Variants in DGCR8 observed in about 807,000 individuals in gnomAD.
The protein encoded by DGCR8 is DGCR8 microprocessor complex subunit.
A neutral mutation model predicts 78.5 loss-of-function variants in DGCR8; 14 were observed. That is an observed-to-expected ratio of 0.18 (90% CI 0.12 to 0.28). DGCR8 has a LOEUF of 0.28. Ranked by LOEUF, DGCR8 falls within the 10% of genes least tolerant of loss-of-function variation. The pLI, the probability that DGCR8 is intolerant of heterozygous loss-of-function variation, is 1.00. For synonymous variants in DGCR8, 399 were observed against 402.4 expected (o/e 0.99, Z 0.10); for missense variants, 702 against 1,022.5 (o/e 0.69, Z 4.28).
rs1328724193 is a variant in DGCR8 at position 20,101,823 on chromosome 22, G to T, written c.1789-4354G>T. ...AACACCTGTCCTTGGACTGTCCCCT[G>T]GACAGCCTGGGGCGTGGGGTAGTAT... On this transcript the variant is annotated intron_variant, in intron 9 of 13. Transcript: ENST00000351989. 6.1e-6 allele frequency: 6 copies of T among 985,218 alleles called. No individual in the cohort carries two copies. The East Asian group carries it at 6.8e-4, about 112-fold the overall frequency. 61.0% of individuals were successfully genotyped at this position (985,218 alleles called of 1,614,324 possible).
chr22:20,105,057 T>C (rs1409806373), intron 9 of DGCR8, among the ~76,000 whole-genome samples: 1 of 152,368 alleles, frequency 6.6e-6, no homozygotes, highest in East Asian at 1.9e-4. Flanking sequence ...GGCTGATGGG[T>C]AATCTCCAGT....
rs1413395556 is a variant in DGCR8, at chr22:20,086,586, A to G, written c.623A>G (p.Asn208Ser). ...GATGAGTTAGAAGATTTTACTGACA[A>G]TTTGGAGCTAGATGAAGAAGGAGCA... ...VLDELEDFTD[N>S]LELDEEGAGG... Residue 208 changes from asparagine (N) to serine (S), a missense_variant, in exon 2 of 14, where the codon AAT (asparagine) becomes AGT (serine). Transcript: ENST00000351989. This position sits in a 1 kb window ranked among gnomAD's most constrained non-coding sequence, Gnocchi z 6.4. 3 of 1,613,814 alleles carry G rather than the reference A, an allele frequency of 1.9e-6. No individual in the cohort carries two copies. The highest frequency in any genetic ancestry group is 2.2e-5 in the East Asian group (1 of 44,868).
chr22:20,111,482 C>T lies in DGCR8; in HGVS notation c.*1374C>T, dbSNP rs2147947934. 2.5e-6 allele frequency: 1 copy of T among 398,372 alleles called. No individual in the cohort carries two copies. Among genetic ancestry groups the T allele is most frequent in the East Asian group, 3.6e-5 (1 of 28,074 alleles). The allele number at this position is 398,372 out of a possible 1,614,324, so 24.7% of individuals were successfully genotyped here. ...TCTGTTGACCTTTAAAAAAGAAACC[C>T]TCAACTCAAATTGCTATAATTAGAC... On this transcript the variant is annotated 3_prime_UTR_variant, in exon 14 of 14. Coordinates refer to ENST00000351989, the MANE Select transcript of DGCR8 (RefSeq NM_022720.7).
In DGCR8 at chr22:20,110,209, C is replaced by A; in HGVS notation, c.*101C>A. ...CACAGTGTCAGGCCTCCAACCCACG[C>A]TCCTTCCCTGTGGCCAACCTGTGGG... is the stretch of plus-strand genomic sequence containing the variant. On this transcript the variant is annotated 3_prime_UTR_variant, in exon 14 of 14. Transcript: ENST00000351989. The A allele has an allele frequency of 8.0e-7, 1 of 1,256,676 alleles. No individual in the cohort carries two copies. The highest frequency in any genetic ancestry group is 1.1e-6 in the Non-Finnish European group (1 of 890,832). 77.8% of individuals were successfully genotyped at this position (1,256,676 alleles called of 1,614,324 possible). A position where few individuals can be genotyped will look rare whatever the true frequency, so the allele number is the denominator to read the frequency against.
Position 20,086,040 on chromosome 22 carries a change from C to G in DGCR8, c.77C>G (p.Pro26Arg), listed in dbSNP as rs1346293099. ...GEAVMESRARPFQALPREQSP... is the reference protein window; with the variant it reads ...GEAVMESRARRFQALPREQSP... ...GCGGTGATGGAGAGCCGAGCTCGCC[C>G]CTTCCAAGCGCTGCCCCGTGAGCAG... Residue 26 changes from proline (P) to arginine (R), a missense_variant, in exon 2 of 14, where the codon CCC (proline) becomes CGC (arginine). Physicochemically the swap from Pro to Arg is moderately radical, Grantham distance 103. Coordinates refer to ENST00000351989, the MANE Select transcript of DGCR8 (RefSeq NM_022720.7). This position sits in a 1 kb window ranked among gnomAD's most constrained non-coding sequence, Gnocchi z 6.4. 1.2e-6 allele frequency: 2 copies of G among 1,613,842 alleles called. No individual in the cohort carries two copies. The highest frequency in any genetic ancestry group is 1.3e-5 in the African/African-American group (1 of 74,932).
intron 8 of DGCR8, among the ~76,000 whole-genome samples, chr22:20,093,201 C>T (rs1472082914): frequency 2.0e-5 from 3 of 151,876 alleles, no homozygotes; most frequent in African/African-American, 4.8e-5. Context: ...GTCAGGAGAT[C>T]GAGACCATCC....
intron 9 of DGCR8, among the ~76,000 whole-genome samples, chr22:20,103,246 AGTTCATCT>A: frequency 6.6e-6 from 1 of 152,074 alleles, no homozygotes; most frequent in East Asian, 1.9e-4. Flanking sequence ...TCATAAACAT[AGTTCATCT>A]GTTCATTTAT....
At chr22:20,094,846 C>T in intron 9 of DGCR8, 51 bp downstream of exon 9, 8 of 1,543,070 alleles carry the variant, frequency 5.2e-6, no homozygotes, top group Non-Finnish European at 7.2e-6. Flanking sequence ...AGTGCGGCTA[C>T]CCTGCCCTGT....
chr22:20,100,432 C>T, intron 9 of DGCR8: 5 of 985,432 alleles, frequency 5.1e-6, no homozygotes, highest in Non-Finnish European at 6.0e-6. Flanking sequence ...TTCCAAGGCC[C>T]TCTGGGGAAG....
chr22:20,111,706 G>GCGGGGGCCCCCC lies in DGCR8; in HGVS notation c.*1599_*1600insGGGGGCCCCCCC. Reference sequence around the variant, plus strand: ...TGCCATACTCTTGTGGTCTCTGTGCGCCCCCCCCCCCCCCCCACCCGTCTG... The same window carrying GCGGGGGCCCCCC: ...TGCCATACTCTTGTGGTCTCTGTGCGCGGGGGCCCCCCCCCCCCCCCCCCCCCCACCCGTCTG... On this transcript the variant is annotated 3_prime_UTR_variant, in exon 14 of 14. Coordinates refer to ENST00000351989, the MANE Select transcript of DGCR8 (RefSeq NM_022720.7). The GCGGGGGCCCCCC allele has an allele frequency of 3.2e-5, 2 of 63,040 alleles. No individual in the cohort carries two copies. Among genetic ancestry groups the GCGGGGGCCCCCC allele is most frequent in the South Asian group, 7.5e-4 (1 of 1,338 alleles). The allele number at this position is 63,040 out of a possible 1,614,324, so 3.9% of individuals were successfully genotyped here. A position where few individuals can be genotyped will look rare whatever the true frequency, so the allele number is the denominator to read the frequency against.
chr22:20,085,804 A>G lies in DGCR8; in HGVS notation c.-160A>G, dbSNP rs761877586. The G allele has an allele frequency of 1.1e-5, 16 of 1,471,696 alleles. No homozygotes were observed. The highest frequency in any genetic ancestry group is 2.4e-5 in the East Asian group (1 of 42,328). 91.2% of individuals were successfully genotyped at this position (1,471,696 alleles called of 1,614,324 possible). ...GGCAGTGGTTCTAAAAGCTGTCTAC[A>G]TTAATGAAAAGAGCAATGTGGCCAG... On this transcript the variant is annotated 5_prime_UTR_variant, in exon 2 of 14. Transcript: ENST00000351989. The surrounding 1 kb of genome is among the most constrained non-coding windows in gnomAD (Gnocchi z 6.2).
In DGCR8 at chr22:20,106,717, C is replaced by T. The variant is rs369077226; in HGVS notation, c.1996+19C>T. On this transcript the variant is annotated intron_variant, in intron 11 of 13. Transcript: ENST00000351989. ...GGGTGGTGTAAGGACTCCTTCTCTG[C>T]TGCCTGGTGGCCGCTGGGCGGGCGG... 7.5e-5 allele frequency: 118 copies of T among 1,581,952 alleles called. 1 individual carries two copies. The highest frequency in any genetic ancestry group is 1.7e-4 in the Middle Eastern group (1 of 5,844).
chr22:20,080,625 C>A, intron 1 of DGCR8: 1 of 395,160 alleles, frequency 2.5e-6, no homozygotes, highest in Non-Finnish European at 3.4e-6. Flanking sequence ...GCTGTCCGCC[C>A]GGGTAAAGAG....
chr22:20,110,273 C>A lies in DGCR8; in HGVS notation c.*165C>A. The A allele has an allele frequency of 3.1e-6, 2 of 643,292 alleles. No homozygotes were observed. Among genetic ancestry groups the A allele is most frequent in the Non-Finnish European group, 5.3e-6 (2 of 375,210 alleles). 39.8% of individuals were successfully genotyped at this position (643,292 alleles called of 1,614,324 possible). On this transcript the variant is annotated 3_prime_UTR_variant, in exon 14 of 14. Transcript: ENST00000351989. ...TGGAGGCTTTAGTGTACAGGGACAG[C>A]CATGGCCACACAGCACACATGTGGA...
At chr22:20,082,051 CT>C (rs113585822) in intron 1 of DGCR8, among the ~76,000 whole-genome samples, 6,841 of 140,376 alleles carry the variant, frequency 0.049, 387 homozygotes, top group African/African-American at 0.16. Context: ...TTCTTTCTTT[CT>C]TTTTTTTTTT....
intron 9 of DGCR8, among the ~76,000 whole-genome samples, chr22:20,098,844 G>T (rs1286845436): frequency 6.6e-6 from 1 of 152,180 alleles, no homozygotes. Flanking sequence ...TCATTGTAAT[G>T]TGATGACCTC....
At position 20,090,066 on chromosome 22, in the gene DGCR8, C is replaced by T; in HGVS notation, c.1114C>T (p.Pro372Ser). 1 of 1,614,216 alleles carries T rather than the reference C, an allele frequency of 6.2e-7. No individual in the cohort carries two copies. Among genetic ancestry groups the T allele is most frequent in the Non-Finnish European group, 8.5e-7 (1 of 1,180,038 alleles). Residue 372 changes from proline to serine, a missense_variant, in exon 5 of 14, where the codon CCT becomes TCT. Pro to Ser is a moderately conservative substitution (Grantham distance 74). Transcript: ENST00000351989. The stretch of plus-strand genomic sequence containing the variant: ...ACGGGAGCAAAGCAGTGACCTCACC[C>T]CTAGTGGGGATGTGTCCCCCGTCAA... Reference protein sequence around the residue: ...EEREQSSDLTPSGDVSPVKPL... With the variant: ...EEREQSSDLTSSGDVSPVKPL...
chr22:20,089,008 A>G lies in DGCR8; in HGVS notation c.881-661A>G, dbSNP rs141278273. Reference sequence around the variant, plus strand: ...CTGTGTTGCCTAGGCTGGTCTTTCTAAGTTTTTAACTTGTTCCCAATACCT... The same window carrying G: ...CTGTGTTGCCTAGGCTGGTCTTTCTGAGTTTTTAACTTGTTCCCAATACCT... On this transcript the variant is annotated intron_variant, in intron 3 of 13. Coordinates refer to ENST00000351989, the MANE Select transcript of DGCR8 (RefSeq NM_022720.7). This position sits in a 1 kb window ranked among gnomAD's most constrained non-coding sequence, Gnocchi z 4.9. Among the ~76,000 whole-genome samples the G allele has an allele frequency of 3.4e-3, 515 of 152,198 alleles. 2 individuals are homozygous for G. The highest frequency in any genetic ancestry group is 5.1e-3 in the Non-Finnish European group (347 of 68,014).
Position 20,091,380 on chromosome 22 carries a change from C to T in DGCR8, c.1307-55C>T, listed in dbSNP as rs578166146. 497 of 1,589,760 alleles carry T rather than the reference C, an allele frequency of 3.1e-4. 5 individuals carry two copies. In the South Asian group the frequency reaches 4.3e-3, roughly 14 times the overall value. On this transcript the variant is annotated intron_variant, in intron 5 of 13. Coordinates refer to ENST00000351989, the MANE Select transcript of DGCR8 (RefSeq NM_022720.7). ...TGCCCCATGCACTGGGCTGTGAGAA[C>T]CTGACTCCTATGTTGGAAGTTAAGT...
Sources: allele counts gnomAD v4.1 joint callset (sites outside exome capture counted in the v4.1 genomes callset), GRCh38; gene constraint gnomAD v4.1.1; non-coding constraint Gnocchi (gnomAD v3.1); transcripts MANE v1.5; gene names NCBI Gene and HGNC (gene_info 2026-07-23, HGNC 2026-07-21).